Variants in PPM1H observed in about 807,000 individuals in gnomAD.
PPM1H encodes protein phosphatase, Mg2+/Mn2+ dependent 1H, also known as protein phosphatase 1H.
PPM1H carries 27 observed loss-of-function variants against 54.9 expected under a neutral mutation model. That is an observed-to-expected ratio of 0.49 (90% CI 0.36 to 0.68). The LOEUF (loss-of-function observed/expected upper bound fraction) is 0.68. Among genes scored for constraint, PPM1H ranks in the 30% least tolerant of loss-of-function variants. The pLI, the probability that PPM1H is intolerant of heterozygous loss-of-function variation, is 0.00. For synonymous variants in PPM1H, 305 were observed against 270.8 expected (o/e 1.13, Z -1.24); for missense variants, 596 against 667.8 (o/e 0.89, Z 1.19).
At chr12:62,766,825 G>A (rs949189429) in intron 4 of PPM1H, among the ~76,000 whole-genome samples, 9 of 152,180 alleles carry the variant, frequency 5.9e-5, no homozygotes, top group African/African-American at 1.7e-4. Flanking sequence ...GCTTTACCAG[G>A]GATAGATTTG....
At chr12:62,735,024 ACAG>A (rs1334479224) in intron 5 of PPM1H, among the ~76,000 whole-genome samples, 1 of 152,162 alleles carries the variant, frequency 6.6e-6, no homozygotes, top group Non-Finnish European at 1.5e-5. Flanking sequence ...AGACTGGACG[ACAG>A]AGTGAAACCC....
At chr12:62,915,312 G>A (rs958916118) in intron 1 of PPM1H, among the ~76,000 whole-genome samples, 5 of 152,198 alleles carry the variant, frequency 3.3e-5, no homozygotes, top group East Asian at 3.8e-4. Context: ...TGCCTGCAGC[G>A]CCTGCAGCCC....
intron 1 of PPM1H, among the ~76,000 whole-genome samples, chr12:62,921,271 T>G (rs1871791351): frequency 6.6e-6 from 1 of 152,186 alleles, no homozygotes; most frequent in Non-Finnish European, 1.5e-5. Flanking sequence ...CAAGATTTTT[T>G]TCCTTCCTAT....
chr12:62,860,662 T>C (rs1047021616), intron 1 of PPM1H, among the ~76,000 whole-genome samples: 2 of 152,182 alleles, frequency 1.3e-5, no homozygotes, highest in African/African-American at 4.8e-5. Context: ...CTGACGCATC[T>C]CCTACAACTC....
rs1225255939 is a variant in PPM1H, at chr12:62,739,627, A to C, written c.870-2041T>G. On this transcript the variant is annotated intron_variant, in intron 4 of 9. Coordinates refer to ENST00000228705, the MANE Select transcript of PPM1H (RefSeq NM_020700.2). ...GGACTAGGAAGAGCCAGCGATGCCC[A>C]ATCAGGCCATGGAAGCATCTCCTCT... is the stretch of plus-strand genomic sequence containing the variant. Among the ~76,000 whole-genome samples, 5 of 152,318 alleles carry C rather than the reference A, an allele frequency of 3.3e-5. No individual in the cohort carries two copies. In the East Asian group the frequency reaches 9.6e-4, roughly 29 times the overall value.
At chr12:62,842,240 A>G (rs998517328) in intron 1 of PPM1H, among the ~76,000 whole-genome samples, 6 of 152,184 alleles carry the variant, frequency 3.9e-5, no homozygotes, top group African/African-American at 9.7e-5. Flanking sequence ...TGATTAAGGG[A>G]AAAAAAGCAA....
intron 1 of PPM1H, among the ~76,000 whole-genome samples, chr12:62,908,310 G>A (rs1871359403): frequency 6.6e-6 from 1 of 151,252 alleles, no homozygotes; most frequent in South Asian, 2.1e-4. Context: ...AGGAGGCTGA[G>A]GCAGGAGAAT....
intron 2 of PPM1H, among the ~76,000 whole-genome samples, chr12:62,823,699 C>A (rs1292226217): frequency 6.6e-6 from 1 of 152,126 alleles, no homozygotes; most frequent in Non-Finnish European, 1.5e-5. Context: ...AATTCAACAG[C>A]CCTTCATGCT....
rs1003678967 is a variant in PPM1H at position 62,844,601 on chromosome 12, C to T, written c.246-12322G>A. On this transcript the variant is annotated intron_variant, in intron 1 of 9. Transcript: ENST00000228705. The surrounding 1 kb of genome is among the most constrained non-coding windows in gnomAD (Gnocchi z 5.2). ...TTTTAAATTAGATGCTTAATACCAT[C>T]CTTAAATAAAAAGGACAAGGTGGAC... Among the ~76,000 whole-genome samples, 1 of 152,126 alleles carries T rather than the reference C, an allele frequency of 6.6e-6. No individual in the cohort carries two copies. Among genetic ancestry groups the T allele is most frequent in the African/African-American group, 2.4e-5 (1 of 41,418 alleles).
At chr12:62,697,281 C>T (rs1055611679) in intron 6 of PPM1H, among the ~76,000 whole-genome samples, 3 of 152,070 alleles carry the variant, frequency 2.0e-5, no homozygotes, top group African/African-American at 4.8e-5. Flanking sequence ...TGAGTGCCAC[C>T]GTGCCCAGCT....
intron 2 of PPM1H, among the ~76,000 whole-genome samples, chr12:62,806,513 A>G (rs2076806348): frequency 6.6e-6 from 1 of 152,152 alleles, no homozygotes; most frequent in Admixed American, 6.5e-5. Context: ...CTCAGGTCGA[A>G]TTGTGATCCC....
At chr12:62,863,533 T>C (rs1869676831) in intron 1 of PPM1H, among the ~76,000 whole-genome samples, 1 of 152,178 alleles carries the variant, frequency 6.6e-6, no homozygotes, top group Admixed American at 6.5e-5. Flanking sequence ...CATAAGGTAA[T>C]ATAACAATTA....
chr12:62,749,687 T>G (rs2076430750), intron 4 of PPM1H, among the ~76,000 whole-genome samples: 1 of 152,248 alleles, frequency 6.6e-6, no homozygotes, highest in Admixed American at 6.5e-5. Context: ...TGGAAACTAC[T>G]AAATAAGTCT....
At chr12:62,677,044 A>T (rs2075991306) in intron 8 of PPM1H, among the ~76,000 whole-genome samples, 1 of 151,926 alleles carries the variant, frequency 6.6e-6, no homozygotes, top group Admixed American at 6.6e-5. Context: ...AAAACCCCAG[A>T]CTCAGCCAGA....
intron 1 of PPM1H, among the ~76,000 whole-genome samples, chr12:62,878,386 A>G (rs1014317207): frequency 1.3e-5 from 2 of 152,292 alleles, no homozygotes; most frequent in African/African-American, 2.4e-5. Flanking sequence ...AGAAAATCTC[A>G]GGAGGAAATA....
rs2072167118 is a variant in PPM1H, at chr12:62,907,513, G to A, written c.245+26979C>T. 6.6e-5 allele frequency among the ~76,000 whole-genome samples: 10 copies of A among 152,264 alleles called. No homozygotes were observed. The South Asian group carries it at 2.1e-3, about 32-fold the overall frequency. ...CCCACTCTTTTTACTGGGACTACCT[G>A]TCAGCGGTTCTTTCTCAAATGAATT... On this transcript the variant is annotated intron_variant, in intron 1 of 9. Transcript: ENST00000228705.
chr12:62,915,052 C>T (rs1871577485), intron 1 of PPM1H, among the ~76,000 whole-genome samples: 1 of 152,236 alleles, frequency 6.6e-6, no homozygotes, highest in African/African-American at 2.4e-5. Context: ...TGTGGCTGCT[C>T]ACTGCTTATG....
chr12:62,723,739 G>T (rs1050641919), intron 5 of PPM1H, among the ~76,000 whole-genome samples: 1 of 152,190 alleles, frequency 6.6e-6, no homozygotes, highest in Non-Finnish European at 1.5e-5. Context: ...CTAAGGCTGT[G>T]TGTGTGTGTA....
At chr12:62,893,683 T>A (rs1354320488) in intron 1 of PPM1H, among the ~76,000 whole-genome samples, 1 of 152,068 alleles carries the variant, frequency 6.6e-6, no homozygotes, top group African/African-American at 2.4e-5. Context: ...AGACAAGGTT[T>A]ACCATGTTGC....
Sources: allele counts gnomAD v4.1 joint callset (sites outside exome capture counted in the v4.1 genomes callset), GRCh38; gene constraint gnomAD v4.1.1; non-coding constraint Gnocchi (gnomAD v3.1); transcripts MANE v1.5; gene names NCBI Gene and HGNC (gene_info 2026-07-23, HGNC 2026-07-21).